GRID2: variants seen among roughly 807,000 people sequenced by gnomAD.
The protein encoded by GRID2 is glutamate ionotropic receptor delta type subunit 2, also known as glutamate receptor ionotropic, delta-2.
A neutral mutation model predicts 114.8 loss-of-function variants in GRID2; 33 were observed. The observed-to-expected ratio is 0.29, with a 90% CI of 0.22 to 0.38. The LOEUF is 0.38. GRID2 is among the 10% of genes least tolerant of loss of function. GRID2 has a pLI of 1.00. For missense variants in GRID2, 1,184 were observed against 1,257.7 expected (o/e 0.94, Z 0.89); for synonymous variants, 505 against 449.9 (o/e 1.12, Z -1.55).
At chr4:92,996,677 T>C (rs1755217886) in intron 2 of GRID2, among the ~76,000 whole-genome samples, 1 of 152,190 alleles carries the variant, frequency 6.6e-6, no homozygotes. Flanking sequence ...TCAGATTCCA[T>C]CTAGTAAATT....
intron 2 of GRID2, among the ~76,000 whole-genome samples, chr4:93,022,601 C>T (rs1723483550): frequency 6.6e-6 from 1 of 151,844 alleles, no homozygotes; most frequent in Non-Finnish European, 1.5e-5. Context: ...GCTGAATTAT[C>T]CTCTAAAACT....
intron 13 of GRID2, among the ~76,000 whole-genome samples, chr4:93,542,316 C>T (rs1372972314): frequency 6.6e-6 from 1 of 152,054 alleles, no homozygotes; most frequent in African/African-American, 2.4e-5. Context: ...GATGACTTGC[C>T]AGAACTGAGC....
chr4:92,993,795 G>A (rs952181259), intron 2 of GRID2, among the ~76,000 whole-genome samples: 17 of 152,190 alleles, frequency 1.1e-4, no homozygotes, highest in Admixed American at 1.1e-3. Flanking sequence ...GTAGACATTT[G>A]TTGGAGGGTC....
chr4:93,021,146 T>C (rs1197874375), intron 2 of GRID2, among the ~76,000 whole-genome samples: 3 of 151,970 alleles, frequency 2.0e-5, no homozygotes, highest in Non-Finnish European at 4.4e-5. Context: ...TTTTCCAGGT[T>C]TATGGAAATT....
At chr4:92,675,531 C>T (rs542641003) in intron 2 of GRID2, among the ~76,000 whole-genome samples, 1 of 150,690 alleles carries the variant, frequency 6.6e-6, no homozygotes, top group African/African-American at 2.4e-5. Context: ...TAAGAAACAC[C>T]AGTCTCTGTT....
intron 1 of GRID2, among the ~76,000 whole-genome samples, chr4:92,570,692 T>G (rs1579600292): frequency 1.7e-5 from 2 of 114,880 alleles, no homozygotes; most frequent in African/African-American, 1.0e-4. Context: ...CTCCTAGGTA[T>G]TTTATTCTTT....
chr4:93,111,032 A>G, intron 4 of GRID2, 79 bp downstream of exon 4: 2 of 888,810 alleles, frequency 2.3e-6, no homozygotes, highest in Non-Finnish European at 1.9e-6. Flanking sequence ...AGGAGATGAA[A>G]ATTAAGAGCA....
At chr4:93,426,284 C>A (rs1051631970) in intron 10 of GRID2, among the ~76,000 whole-genome samples, 1 of 152,092 alleles carries the variant, frequency 6.6e-6, no homozygotes, top group Non-Finnish European at 1.5e-5. Context: ...TAAAACCGTG[C>A]CCCTTCATCT....
chr4:93,207,590 T>G (rs1257654346), intron 5 of GRID2, 133 bp downstream of exon 5: 1 of 616,448 alleles, frequency 1.6e-6, no homozygotes, highest in East Asian at 2.8e-5. Flanking sequence ...GAGTGAATGC[T>G]GTTTAACAAA....
At chr4:92,994,322 T>G (rs369407485) in intron 2 of GRID2, among the ~76,000 whole-genome samples, 112 of 152,244 alleles carry the variant, frequency 7.4e-4, no homozygotes, top group African/African-American at 2.6e-3. Context: ...GTAACATGTT[T>G]CGCACTTTAA....
intron 4 of GRID2, among the ~76,000 whole-genome samples, chr4:93,111,514 AG>A (rs2149352305): frequency 6.6e-6 from 1 of 152,264 alleles, no homozygotes; most frequent in Non-Finnish European, 1.5e-5. Flanking sequence ...CTGTTCATTT[AG>A]TTAGAAGCTC....
intron 1 of GRID2, among the ~76,000 whole-genome samples, chr4:92,408,883 G>A (rs1731160826): frequency 6.6e-6 from 1 of 152,062 alleles, no homozygotes; most frequent in Non-Finnish European, 1.5e-5. Context: ...AGTCTTTGGG[G>A]TTTTGTAGAT....
chr4:93,434,103 G>T (rs908451300), intron 10 of GRID2, among the ~76,000 whole-genome samples: 1 of 152,176 alleles, frequency 6.6e-6, no homozygotes, highest in African/African-American at 2.4e-5. Flanking sequence ...AAGCTATTGT[G>T]AAGATGAACC....
intron 4 of GRID2, chr4:93,165,998 A>T (rs1738213402): frequency 6.6e-6 from 1 of 152,182 alleles, no homozygotes; most frequent in Admixed American, 6.6e-5. Flanking sequence ...AAAGCACTAA[A>T]TCATATGTAT....
rs1483170187 is a variant in GRID2 at position 93,085,015 on chromosome 4, G to A, written c.265G>A (p.Gly89Ser). Residue 89 changes from glycine (G) to serine (S), a missense_variant, in exon 3 of 16, where the codon GGC (glycine) becomes AGC (serine). Physicochemically the swap from Gly to Ser is moderately conservative, Grantham distance 56. This residue lies in a region of GRID2 where 455 missense variants were observed against 429.5 expected (regional missense o/e 1.06). Coordinates refer to ENST00000282020, the MANE Select transcript of GRID2 (RefSeq NM_001510.4). ...TGCAGCCTGTGAACTTATGAATCAA[G>A]GCATCTTGGCCCTGGTCAGCTCCAT... Reference protein sequence around the residue: ...VQEACELMNQGILALVSSIGC... With the variant: ...VQEACELMNQSILALVSSIGC... The A allele has an allele frequency of 6.2e-7, 1 of 1,613,918 alleles. No individual in the cohort carries two copies. The highest frequency in any genetic ancestry group is 8.5e-7 in the Non-Finnish European group (1 of 1,179,812).
chr4:92,845,613 C>G (rs921009351), intron 2 of GRID2, among the ~76,000 whole-genome samples: 2 of 152,102 alleles, frequency 1.3e-5, no homozygotes, highest in Non-Finnish European at 2.9e-5. Flanking sequence ...TCCTTTACCT[C>G]CTTTTACACT....
At chr4:93,047,479 G>T (rs1726262263) in intron 2 of GRID2, among the ~76,000 whole-genome samples, 1 of 151,934 alleles carries the variant, frequency 6.6e-6, no homozygotes, top group African/African-American at 2.4e-5. Context: ...TAAATATTTA[G>T]TTGCTGATGT....
intron 2 of GRID2, among the ~76,000 whole-genome samples, chr4:92,930,116 C>T (rs1750114105): frequency 6.6e-6 from 1 of 151,066 alleles, no homozygotes; most frequent in Non-Finnish European, 1.5e-5. Context: ...ATGAGGATAC[C>T]GGAAGTCACA....
chr4:93,427,257 AT>A (rs1225281727), intron 10 of GRID2, among the ~76,000 whole-genome samples: 2 of 151,930 alleles, frequency 1.3e-5, no homozygotes, highest in Non-Finnish European at 2.9e-5. Context: ...TATGAGGTGT[AT>A]TTACCCCTAT....
Sources: gnomAD v4.1 joint callset for allele counts (sites outside exome capture counted in the v4.1 genomes callset) on GRCh38, gnomAD v4.1.1 for gene constraint, gnomAD v4.1.1 regional missense constraint, MANE v1.5 for transcripts, NCBI Gene and HGNC (gene_info 2026-07-23, HGNC 2026-07-21) for gene names.